COG3: variants seen among roughly 807,000 people sequenced by gnomAD.
The protein encoded by COG3 is component of oligomeric golgi complex 3, also known as conserved oligomeric Golgi complex subunit 3.
Under a neutral mutation model 114.1 loss-of-function variants are expected in COG3, and 32 were observed. The ratio of observed to expected loss-of-function variants is 0.28; its 90% CI spans 0.21 to 0.38. The LOEUF is 0.38. Ranked by LOEUF, COG3 falls within the 10% of genes least tolerant of loss-of-function variation. The pLI is 1.00. For synonymous variants in COG3, 352 were observed against 365.7 expected (o/e 0.96, Z 0.43); for missense variants, 813 against 973.2 (o/e 0.84, Z 2.19).
At chr13:45,468,152 C>A (rs1885261914) in intron 1 of COG3, among the ~76,000 whole-genome samples, 1 of 152,198 alleles carries the variant, frequency 6.6e-6, no homozygotes, top group Non-Finnish European at 1.5e-5. Context: ...TTTACCCCGA[C>A]ATTTACCTAT....
intron 8 of COG3, among the ~76,000 whole-genome samples, chr13:45,490,055 A>G (rs1886928184): frequency 6.6e-6 from 1 of 152,150 alleles, no homozygotes; most frequent in South Asian, 2.1e-4. Context: ...TTTACTCTAT[A>G]ACATTACCAA....
intron 20 of COG3, 144 bp from the exon 21 acceptor site, chr13:45,529,647 G>A: frequency 1.6e-6 from 1 of 609,422 alleles, no homozygotes; most frequent in South Asian, 2.2e-5. Flanking sequence ...TGGTAAATAA[G>A]CTATAAAAAT....
intron 22 of COG3, among the ~76,000 whole-genome samples, chr13:45,534,007 G>C (rs1451419224): frequency 6.6e-6 from 1 of 152,220 alleles, no homozygotes; most frequent in Non-Finnish European, 1.5e-5. Flanking sequence ...CAGGGCCTGG[G>C]TGTCAGACAC....
chr13:45,509,337 C>T lies in COG3; in HGVS notation c.1595-355C>T, dbSNP rs147232487. Reference sequence around the variant, plus strand: ...ACAGGCGTGAGCCACTGTGCCCAGACGATCTGCCTCCTTTTTAATGGCTGC... The same window carrying T: ...ACAGGCGTGAGCCACTGTGCCCAGATGATCTGCCTCCTTTTTAATGGCTGC... On this transcript the variant is annotated intron_variant, in intron 14 of 22. Coordinates refer to ENST00000349995, the MANE Select transcript of COG3 (RefSeq NM_031431.4). Among the ~76,000 whole-genome samples, 39 of 152,326 alleles carry T rather than the reference C, an allele frequency of 2.6e-4. No individual in the cohort carries two copies. The East Asian group carries it at 3.7e-3, about 14-fold the overall frequency.
intron 14 of COG3, among the ~76,000 whole-genome samples, chr13:45,506,632 G>T (rs529739975): frequency 6.6e-6 from 1 of 152,216 alleles, no homozygotes; most frequent in South Asian, 2.1e-4. Context: ...AGGATGAACA[G>T]CTCGTCATCT....
At position 45,486,584 on chromosome 13, in the gene COG3, A is replaced by G. The variant is rs765709067; in HGVS notation, c.924+9A>G. 1.3e-6 allele frequency: 2 copies of G among 1,537,802 alleles called. No homozygotes were observed. The highest frequency in any genetic ancestry group is 1.8e-6 in the Non-Finnish European group (2 of 1,110,902). On this transcript the variant is annotated intron_variant, in intron 8 of 22. Transcript: ENST00000349995. ...CTGCCCCCAAAGTCAGAGTAAGTCT[A>G]TTGACATAACTAGGACATTGCTATG...
rs772080989 is a variant in COG3, at chr13:45,486,289, T to TCGGGAGA, written c.844-156_844-150dup. On this transcript the variant is annotated intron_variant, in intron 7 of 22. Transcript: ENST00000349995. ...TCGGCTCGGCATGAGAGGGAGACCATCGGGAGACGGGAGACGGGAGACGGG... is the reference window on the plus strand; with the variant it reads ...TCGGCTCGGCATGAGAGGGAGACCATCGGGAGACGGGAGACGGGAGACGGGAGACGGG... Among the ~76,000 whole-genome samples the TCGGGAGA allele has an allele frequency of 4.0e-3, 438 of 108,838 alleles. 10 individuals carry two copies. Among genetic ancestry groups the TCGGGAGA allele is most frequent in the Middle Eastern group, 0.025 (5 of 200 alleles). 71.4% of individuals were successfully genotyped at this position (108,838 alleles called of 152,430 possible).
intron 1 of COG3, among the ~76,000 whole-genome samples, chr13:45,471,519 C>A (rs898785295): frequency 2.6e-5 from 4 of 152,116 alleles, no homozygotes; most frequent in South Asian, 2.1e-4. Flanking sequence ...ACCCACAATA[C>A]ATTGTTACTA....
intron 8 of COG3, among the ~76,000 whole-genome samples, chr13:45,487,502 G>A (rs531166604): frequency 2.0e-5 from 3 of 152,266 alleles, no homozygotes; most frequent in Non-Finnish European, 2.9e-5. Flanking sequence ...TCTGACAAGG[G>A]ACTAATATTC....
At chr13:45,477,353 TTC>T (rs900934496) in intron 2 of COG3, among the ~76,000 whole-genome samples, 1 of 152,206 alleles carries the variant, frequency 6.6e-6, no homozygotes, top group Admixed American at 6.5e-5. Flanking sequence ...CTCGTACCTG[TTC>T]TCTCTTTAAA....
intron 14 of COG3, among the ~76,000 whole-genome samples, chr13:45,508,024 G>A (rs577189649): frequency 3.0e-4 from 39 of 131,466 alleles, no homozygotes; most frequent in African/African-American, 1.0e-3. Context: ...GGCTGAGATT[G>A]CGCCGCTGCA....
rs1185342018 is a variant in COG3, at chr13:45,486,317, AC to A, written c.844-177del. Among the ~76,000 whole-genome samples the A allele has an allele frequency of 8.1e-4, 32 of 39,310 alleles. 2 individuals are homozygous for A. Among genetic ancestry groups the A allele is most frequent in the African/African-American group, 2.9e-3 (25 of 8,482 alleles). 25.8% of individuals were successfully genotyped at this position (39,310 alleles called of 152,430 possible). ...GGAGACGGGAGACGGGAGACGGGAGACGGGAGACGGGAGACGGGAGACGGGA... is the reference window on the plus strand; with the variant it reads ...GGAGACGGGAGACGGGAGACGGGAGAGGGAGACGGGAGACGGGAGACGGGA... On this transcript the variant is annotated intron_variant, in intron 7 of 22. Transcript: ENST00000349995.
intron 13 of COG3, among the ~76,000 whole-genome samples, chr13:45,497,101 A>G (rs1255760400): frequency 1.3e-5 from 2 of 152,230 alleles, no homozygotes; most frequent in East Asian, 3.8e-4. Context: ...AAGGTTGATA[A>G]TGTAGAAGCC....
chr13:45,474,201 A>G (rs1320190494), intron 1 of COG3, among the ~76,000 whole-genome samples: 1 of 120,744 alleles, frequency 8.3e-6, no homozygotes, highest in Non-Finnish European at 1.6e-5. Flanking sequence ...TCTGTCGCCC[A>G]GGCTGGAGTG....
Position 45,491,548 on chromosome 13 carries a change from T to A in COG3, c.1095+10T>A. ...AGATCACTGTGCCTTGGTAAGTTTC[T>A]ACTTGTTTTGGTTTAATGTTAAATC... On this transcript the variant is annotated intron_variant, in intron 10 of 22. Coordinates refer to ENST00000349995, the MANE Select transcript of COG3 (RefSeq NM_031431.4). 3 of 1,607,834 alleles carry A rather than the reference T, an allele frequency of 1.9e-6. No homozygotes were observed. The highest frequency in any genetic ancestry group is 2.5e-6 in the Non-Finnish European group (3 of 1,177,932).
chr13:45,482,762 A>G (rs552705963), intron 6 of COG3, among the ~76,000 whole-genome samples: 115 of 152,298 alleles, frequency 7.6e-4, no homozygotes, highest in South Asian at 3.3e-3. Flanking sequence ...GCTTTATCCC[A>G]TCTAACAGGA....
intron 14 of COG3, among the ~76,000 whole-genome samples, chr13:45,504,784 G>A (rs1013339945): frequency 6.6e-6 from 1 of 152,186 alleles, no homozygotes; most frequent in Non-Finnish European, 1.5e-5. Context: ...CACTGCCATT[G>A]AGCGTGTGAA....
rs77083724 is a variant in COG3, at chr13:45,500,697, G to A, written c.1489-2547G>A. Among the ~76,000 whole-genome samples the A allele has an allele frequency of 2.1e-3, 321 of 152,270 alleles. 8 individuals carry two copies. In the East Asian group the frequency reaches 0.056, roughly 27 times the overall value. ...GCCACAATTAATGAACCAGTAGTGA[G>A]TCACTGGTATTTATTTACTAAGGTC... On this transcript the variant is annotated intron_variant, in intron 13 of 22. Transcript: ENST00000349995.
chr13:45,523,606 T>A (rs1872401610), intron 19 of COG3, among the ~76,000 whole-genome samples: 1 of 152,212 alleles, frequency 6.6e-6, no homozygotes, highest in Non-Finnish European at 1.5e-5. Flanking sequence ...AAATAGAGAT[T>A]AATATACTAG....
Sources: gnomAD v4.1 joint callset for allele counts (sites outside exome capture counted in the v4.1 genomes callset) on GRCh38, gnomAD v4.1.1 for gene constraint, MANE v1.5 for transcripts, NCBI Gene and HGNC (gene_info 2026-07-23, HGNC 2026-07-21) for gene names.